AHR: variants seen among roughly 807,000 people sequenced by gnomAD.
AHR encodes AH-receptor.
AHR carries 40 observed loss-of-function variants against 86.8 expected under a neutral mutation model. That is an observed-to-expected ratio of 0.46 (90% CI 0.36 to 0.60). AHR has a LOEUF of 0.60. Ranked by LOEUF, AHR falls within the 20% of genes least tolerant of loss-of-function variation. The pLI is 0.00. For missense variants in AHR, 1,001 were observed against 1,011.6 expected (o/e 0.99, Z 0.14); for synonymous variants, 398 against 354.9 (o/e 1.12, Z -1.37).
At chr7:17,329,081 C>T (rs920988641) in intron 4 of AHR, among the ~76,000 whole-genome samples, 7 of 151,830 alleles carry the variant, frequency 4.6e-5, no homozygotes, top group African/African-American at 1.4e-4. Context: ...ATTTTTTTCT[C>T]GCATATACAC....
intron 2 of AHR, among the ~76,000 whole-genome samples, chr7:17,316,253 A>G (rs1398703236): frequency 6.6e-6 from 1 of 152,220 alleles, no homozygotes; most frequent in Non-Finnish European, 1.5e-5. Context: ...AACACTAGAG[A>G]AGGTGATTTC....
chr7:17,345,326 A>G lies in AHR; in HGVS notation c.*2262A>G, dbSNP rs968991292. The G allele has an allele frequency of 6.6e-6, 1 of 152,498 alleles. No individual in the cohort carries two copies. The highest frequency in any genetic ancestry group is 2.4e-5 in the African/African-American group (1 of 41,426). 9.4% of individuals were successfully genotyped at this position (152,498 alleles called of 1,614,324 possible). ...GACTCCGTCTCCAAAAAAAAAAAAA[A>G]TACAATTTTTATTTCTTTTACTTTT... On this transcript the variant is annotated 3_prime_UTR_variant, in exon 11 of 11. Coordinates refer to ENST00000242057, the MANE Select transcript of AHR (RefSeq NM_001621.5).
At chr7:17,327,921 G>T in intron 4 of AHR, 73 bp downstream of exon 4, 2 of 577,802 alleles carry the variant, frequency 3.5e-6, no homozygotes, top group South Asian at 5.3e-5. Flanking sequence ...GACACAGTTG[G>T]CCATTTGTAT....
intron 3 of AHR, among the ~76,000 whole-genome samples, 193 bp from the exon 4 acceptor site, chr7:17,327,566 T>C (rs1047046697): frequency 6.6e-6 from 1 of 151,934 alleles, no homozygotes; most frequent in Non-Finnish European, 1.5e-5. Flanking sequence ...AATTTAGCCA[T>C]TTTTCCATAG....
At chr7:17,335,194 G>T (rs1782342124) in intron 8 of AHR, among the ~76,000 whole-genome samples, 198 bp downstream of exon 8, 1 of 151,958 alleles carries the variant, frequency 6.6e-6, no homozygotes, top group Non-Finnish European at 1.5e-5. Flanking sequence ...AAATATTGTT[G>T]TTTAGTTATT....
chr7:17,322,753 C>T, intron 3 of AHR, 146 bp downstream of exon 3: 1 of 612,234 alleles, frequency 1.6e-6, no homozygotes, highest in Non-Finnish European at 2.9e-6. Flanking sequence ...GTGAATGATG[C>T]TTAATACATG....
chr7:17,310,524 T>G (rs867165888), intron 2 of AHR, among the ~76,000 whole-genome samples: 11 of 151,808 alleles, frequency 7.2e-5, no homozygotes, highest in Non-Finnish European at 1.2e-4. Context: ...CAAACTTACG[T>G]ATATTTCTAA....
In AHR at chr7:17,322,511, A is replaced by G; in HGVS notation, c.264A>G (p.Lys88=). The G allele has an allele frequency of 2.5e-6, 4 of 1,608,840 alleles. No individual in the cohort carries two copies. Among genetic ancestry groups the G allele is most frequent in the Non-Finnish European group, 3.4e-6 (4 of 1,175,904 alleles). ...RAKSFFDVAL[K]SSPTERNGGQ... is the part of the protein sequence containing the mutation. ...CCTTTTTTTCCATAGTTGCATTAAAATCCTCCCCTACTGAAAGAAACGGAG... is the reference window on the plus strand; with the variant it reads ...CCTTTTTTTCCATAGTTGCATTAAAGTCCTCCCCTACTGAAAGAAACGGAG... The change falls in exon 3 of 11, where the codon AAA becomes AAG. Residue 88 remains lysine, a synonymous_variant. Coordinates refer to ENST00000242057, the MANE Select transcript of AHR (RefSeq NM_001621.5).
chr7:17,344,521 GT>G lies in AHR; in HGVS notation c.*1464del, dbSNP rs1179810460. On this transcript the variant is annotated 3_prime_UTR_variant, in exon 11 of 11. Transcript: ENST00000242057. ...TAGTTCGTTTACCTTCAAACTTTAG[GT>G]TTTTTTAATGATATACTGATCTTCA... 6.7e-6 allele frequency: 1 copy of G among 149,842 alleles called. No homozygotes were observed. The highest frequency in any genetic ancestry group is 1.5e-5 in the Non-Finnish European group (1 of 67,348). 9.3% of individuals were successfully genotyped at this position (149,842 alleles called of 1,614,324 possible).
intron 9 of AHR, among the ~76,000 whole-genome samples, chr7:17,337,631 C>A (rs531258564): frequency 1.3e-5 from 2 of 151,570 alleles, no homozygotes; most frequent in African/African-American, 4.8e-5. Flanking sequence ...CCCGCCACTA[C>A]GCCCGGCTAA....
intron 9 of AHR, among the ~76,000 whole-genome samples, chr7:17,336,845 C>A (rs537306204): frequency 6.6e-6 from 1 of 152,042 alleles, no homozygotes; most frequent in Admixed American, 6.5e-5. Flanking sequence ...TATTAGGATC[C>A]AACTTTTGGT....
chr7:17,322,411 AT>A, intron 2 of AHR, 89 bp from the exon 3 acceptor site: 2 of 792,428 alleles, frequency 2.5e-6, no homozygotes, highest in Non-Finnish European at 4.1e-6. Context: ...AGTATTTCAA[AT>A]TGTCTTTGTT....
At position 17,299,261 on chromosome 7, in the gene AHR, C is replaced by A. The variant is rs201598605; in HGVS notation, c.-4C>A. The A allele has an allele frequency of 1.2e-4, 188 of 1,611,526 alleles. 2 individuals carry two copies. The highest frequency in any genetic ancestry group is 5.0e-4 in the Middle Eastern group (3 of 6,032). On this transcript the variant is annotated 5_prime_UTR_variant, in exon 1 of 11. Transcript: ENST00000242057. ...GGAGTAGCCGCCGCCGTCGGCTGGG[C>A]ACCATGAACAGCAGCAGCGCCAACA...
In AHR at chr7:17,334,012, C is replaced by G; in HGVS notation, c.806C>G (p.Ala269Gly). Reference protein sequence around the residue: ...LPPQLALFAIATPLQPPSILE... With the variant: ...LPPQLALFAIGTPLQPPSILE... ...CCTCAGTTGGCTTTGTTTGCGATAGCTACTCCACTTCAGCCACCATCCATA... is the reference window on the plus strand; with the variant it reads ...CCTCAGTTGGCTTTGTTTGCGATAGGTACTCCACTTCAGCCACCATCCATA... Residue 269 changes from alanine to glycine, a missense_variant, in exon 7 of 11, where the codon GCT becomes GGT. Ala to Gly is a moderately conservative substitution (Grantham distance 60). Coordinates refer to ENST00000242057, the MANE Select transcript of AHR (RefSeq NM_001621.5). 1 of 1,613,382 alleles carries G rather than the reference C, an allele frequency of 6.2e-7. No homozygotes were observed. Among genetic ancestry groups the G allele is most frequent in the South Asian group, 1.1e-5 (1 of 91,044 alleles).
intron 2 of AHR, among the ~76,000 whole-genome samples, chr7:17,314,876 T>C (rs1339715996): frequency 6.6e-6 from 1 of 152,072 alleles, no homozygotes; most frequent in Non-Finnish European, 1.5e-5. Flanking sequence ...AAATGTTATT[T>C]CTTAATTCTA....
Position 17,330,056 on chromosome 7 carries a change from G to C in AHR, c.555G>C (p.Glu185Asp), listed in dbSNP as rs1162808019. The C allele has an allele frequency of 1.2e-6, 2 of 1,608,664 alleles. No individual in the cohort carries two copies. The highest frequency in any genetic ancestry group is 1.7e-6 in the Non-Finnish European group (2 of 1,177,334). The change falls in exon 5 of 11, where the codon GAG becomes GAC. Residue 185 changes from glutamate to aspartate, a missense_variant. By Grantham distance (45) the Glu-to-Asp change is conservative. Coordinates refer to ENST00000242057, the MANE Select transcript of AHR (RefSeq NM_001621.5). ...HWALNPSQCT[E>D]SGQGIEEATG... ...CATTAAATCCTTCTCAGTGTACAGA[G>C]TCTGGACAAGGAATTGAAGGTAAGA...
chr7:17,311,955 T>C (rs1782069473), intron 2 of AHR, among the ~76,000 whole-genome samples: 1 of 152,204 alleles, frequency 6.6e-6, no homozygotes, highest in Admixed American at 6.5e-5. Context: ...AAAAGTGTAG[T>C]ATCCAGACAG....
chr7:17,314,487 T>A (rs1782096332), intron 2 of AHR, among the ~76,000 whole-genome samples: 1 of 152,086 alleles, frequency 6.6e-6, no homozygotes, highest in Non-Finnish European at 1.5e-5. Context: ...TTACAAGTGC[T>A]CTGTTCTTGG....
chr7:17,317,724 A>G (rs1042086867), intron 2 of AHR, among the ~76,000 whole-genome samples: 1 of 152,112 alleles, frequency 6.6e-6, no homozygotes, highest in Non-Finnish European at 1.5e-5. Flanking sequence ...GTGGCTAAGC[A>G]TTGTATTTTA....
Sources: allele counts gnomAD v4.1 joint callset (sites outside exome capture counted in the v4.1 genomes callset), GRCh38; gene constraint gnomAD v4.1.1; transcripts MANE v1.5; gene names NCBI Gene and HGNC (gene_info 2026-07-23, HGNC 2026-07-21).